LINGO2: variants seen among roughly 807,000 people sequenced by gnomAD.
LINGO2 encodes leucine-rich repeat and immunoglobulin-like domain-containing nogo receptor-interacting protein 2.
A neutral mutation model predicts 30.6 loss-of-function variants in LINGO2; 14 were observed. The observed-to-expected ratio is 0.46, with a 90% confidence interval of 0.30 to 0.72. The LOEUF is 0.72. Among genes scored for constraint, LINGO2 ranks in the 30% least tolerant of loss-of-function variants. The pLI, the probability that LINGO2 is intolerant of heterozygous loss-of-function variation, is 0.07. For synonymous variants in LINGO2, 317 were observed against 288.5 expected (o/e 1.10, Z -1.00); for missense variants, 729 against 751.7 (o/e 0.97, Z 0.35).
the LINGO2 span, among the ~76,000 whole-genome samples, chr9:28,931,976 C>A: frequency 1.3e-5 from 2 of 151,614 alleles, no homozygotes; most frequent in Admixed American, 6.6e-5. Context: ...GGTGTGGTGG[C>A]ACGCACCTGT....
chr9:28,032,439 ATAAC>A lies in LINGO2; in HGVS notation c.-86-20038_-86-20035del, dbSNP rs951603864. Among the ~76,000 whole-genome samples the A allele has an allele frequency of 6.8e-4, 103 of 152,276 alleles. 1 individual carries two copies. Among genetic ancestry groups the A allele is most frequent in the African/African-American group, 2.4e-3 (100 of 41,568 alleles). ...TTTGTCAACATTACATATGATTCAC[ATAAC>A]TAACTGCTCATGCCTTATGATTCCA... is the stretch of plus-strand genomic sequence containing the variant. On this transcript the variant is annotated intron_variant, in intron 4 of 5. Coordinates refer to ENST00000379992, the Ensembl canonical transcript of LINGO2.
At chr9:28,601,539 A>G (rs1350998148) in intron 1 of LINGO2, among the ~76,000 whole-genome samples, 1 of 141,170 alleles carries the variant, frequency 7.1e-6, no homozygotes, top group African/African-American at 2.8e-5. Context: ...GTGTCACTCA[A>G]TCAGAGTGTG....
intron 5 of LINGO2, among the ~76,000 whole-genome samples, chr9:28,009,991 G>A (rs141929407): frequency 1.7e-4 from 26 of 152,166 alleles, no homozygotes; most frequent in East Asian, 1.4e-3. Context: ...ACTGATGAAC[G>A]GATAAATAAA....
chr9:28,800,970 G>A, the LINGO2 span, among the ~76,000 whole-genome samples: 1 of 152,062 alleles, frequency 6.6e-6, no homozygotes, highest in Non-Finnish European at 1.5e-5. Flanking sequence ...ATGCTGTAAG[G>A]TTGAGCAACA....
At chr9:28,426,650 G>T (rs1432040883) in intron 2 of LINGO2, among the ~76,000 whole-genome samples, 1 of 152,066 alleles carries the variant, frequency 6.6e-6, no homozygotes, top group African/African-American at 2.4e-5. Context: ...AAAAGATGGG[G>T]ACAGAGAGGT....
intron 5 of LINGO2, among the ~76,000 whole-genome samples, chr9:28,008,664 T>A (rs573759661): frequency 2.2e-4 from 33 of 152,216 alleles, no homozygotes; most frequent in African/African-American, 7.5e-4. Flanking sequence ...AAATGAAATT[T>A]AAAAAATTGA....
intron 3 of LINGO2, among the ~76,000 whole-genome samples, chr9:28,343,838 G>A (rs1022749429): frequency 5.3e-5 from 8 of 152,028 alleles, no homozygotes; most frequent in Non-Finnish European, 7.4e-5. Flanking sequence ...GCCTAAACGC[G>A]ACATTAAGTT....
chr9:28,307,347 T>G (rs561812377), intron 3 of LINGO2, among the ~76,000 whole-genome samples: 86 of 152,106 alleles, frequency 5.7e-4, no homozygotes, highest in African/African-American at 1.7e-3. Flanking sequence ...TATCTCAATA[T>G]ATGCAGAAAA....
chr9:28,007,781 T>C (rs1822340255), intron 5 of LINGO2, among the ~76,000 whole-genome samples: 1 of 152,186 alleles, frequency 6.6e-6, no homozygotes, highest in South Asian at 2.1e-4. Flanking sequence ...ACACACCAAT[T>C]TTTATGCTAC....
At chr9:28,444,650 T>TC (rs1421176365) in intron 2 of LINGO2, among the ~76,000 whole-genome samples, 3 of 152,122 alleles carry the variant, frequency 2.0e-5, no homozygotes, top group Admixed American at 1.3e-4. Flanking sequence ...ACCACCATAT[T>TC]CCCCTCATCC....
the LINGO2 span, among the ~76,000 whole-genome samples, chr9:28,723,915 T>C: frequency 6.6e-6 from 1 of 151,974 alleles, no homozygotes; most frequent in Admixed American, 6.6e-5. Flanking sequence ...AAGTTTCAGA[T>C]GCAAAAAGAA....
chr9:28,028,246 G>A (rs1823480161), intron 4 of LINGO2, among the ~76,000 whole-genome samples: 1 of 152,178 alleles, frequency 6.6e-6, no homozygotes, highest in Non-Finnish European at 1.5e-5. Flanking sequence ...AAGGCTTCAG[G>A]TTGGTAGACT....
At chr9:28,439,611 C>T (rs1243578866) in intron 2 of LINGO2, among the ~76,000 whole-genome samples, 3 of 152,066 alleles carry the variant, frequency 2.0e-5, no homozygotes, top group Non-Finnish European at 4.4e-5. Flanking sequence ...CCTTCCCCTT[C>T]ACTCTCTCAT....
At chr9:28,973,059 C>T in the LINGO2 span, among the ~76,000 whole-genome samples, 1 of 152,000 alleles carries the variant, frequency 6.6e-6, no homozygotes, top group East Asian at 1.9e-4. Flanking sequence ...TTCAAAAGGG[C>T]AAATCTGAGT....
intron 2 of LINGO2, among the ~76,000 whole-genome samples, chr9:28,422,715 G>A (rs1192696710): frequency 6.6e-6 from 1 of 152,012 alleles, no homozygotes; most frequent in Non-Finnish European, 1.5e-5. Flanking sequence ...AGAGACATTT[G>A]TATATCTATG....
At chr9:28,380,054 T>A (rs970884975) in intron 2 of LINGO2, among the ~76,000 whole-genome samples, 1 of 152,134 alleles carries the variant, frequency 6.6e-6, no homozygotes, top group Non-Finnish European at 1.5e-5. Context: ...ATTTATGTCC[T>A]CTTTGCTGCT....
chr9:29,081,093 T>C, the LINGO2 span, among the ~76,000 whole-genome samples: 20 of 152,238 alleles, frequency 1.3e-4, no homozygotes, highest in South Asian at 3.1e-3. Flanking sequence ...AGCATCATCC[T>C]GATACCAAAG....
intron 1 of LINGO2, among the ~76,000 whole-genome samples, chr9:28,529,284 G>T (rs1464730913): frequency 1.3e-5 from 2 of 152,098 alleles, no homozygotes; most frequent in Non-Finnish European, 2.9e-5. Context: ...GCATTAGTGA[G>T]ACTATGATTA....
intron 4 of LINGO2, among the ~76,000 whole-genome samples, chr9:28,185,871 C>T (rs1297801375): frequency 1.3e-5 from 2 of 152,050 alleles, no homozygotes; most frequent in Non-Finnish European, 1.5e-5. Context: ...AAATGACTTA[C>T]AGGAGTCATT....
Sources: gnomAD v4.1 joint callset for allele counts (sites outside exome capture counted in the v4.1 genomes callset) on GRCh38, gnomAD v4.1.1 for gene constraint, MANE v1.5 for transcripts, NCBI Gene and HGNC (gene_info 2026-07-23, HGNC 2026-07-21) for gene names.